FRMPD4: variants seen among roughly 807,000 people sequenced by gnomAD.
The protein encoded by FRMPD4 is FERM and PDZ domain-containing protein 4.
Under a neutral mutation model 94.1 loss-of-function variants are expected in FRMPD4, and 22 were observed. The ratio of observed to expected loss-of-function variants is 0.23; its 90% CI spans 0.17 to 0.33. The LOEUF is 0.33. Ranked by LOEUF, FRMPD4 falls within the 10% of genes least tolerant of loss-of-function variation. The pLI is 1.00. For synonymous variants in FRMPD4, 631 were observed against 548.6 expected, an observed-to-expected ratio of 1.15 and a Z score of -2.10; for missense variants, 1,111 against 1,339.9, an observed-to-expected ratio of 0.83 and a Z score of 2.67.
intron 1 of FRMPD4, among the ~76,000 whole-genome samples, chrX:12,479,497 T>C (rs1331510183): frequency 9.8e-6 from 1 of 102,184 alleles, no homozygotes; most frequent in Non-Finnish European, 2.0e-5. Context: ...TATACGTATA[T>C]ATTATATATA....
intron 1 of FRMPD4, among the ~76,000 whole-genome samples, chrX:11,837,631 T>C (rs2053508488): frequency 8.9e-6 from 1 of 111,785 alleles, no homozygotes; most frequent in Admixed American, 9.5e-5. Flanking sequence ...TCGTTCTGCA[T>C]GTCAGACTCT....
rs2042222954 is a variant in FRMPD4, at chrX:12,720,736, G to A, written c.4167G>A (p.Gly1389=). The A allele has an allele frequency of 9.4e-7, 1 of 1,067,366 alleles. No individual in the cohort carries two copies. The highest frequency in any genetic ancestry group is 1.2e-6 in the Non-Finnish European group (1 of 828,576). The allele number at this position is 1,067,366 out of a possible 1,213,427, so 88.0% of individuals were successfully genotyped here. Residue 1389 remains glycine, a synonymous_variant, in exon 17 of 17, where the codon GGG becomes GGA. Transcript: ENST00000675598. ...AVSWRPPDLR[G]GSLRTPPSQK... is the part of the protein sequence containing the mutation. Reference sequence around the variant, plus strand: ...GCTGGCGGCCACCGGATCTGAGAGGGGGGAGCCTCAGGACACCTCCCAGCC... The same window carrying A: ...GCTGGCGGCCACCGGATCTGAGAGGAGGGAGCCTCAGGACACCTCCCAGCC...
rs1251219520 is a variant in FRMPD4 at position 11,825,270 on chromosome X, T to TA, written c.-161+2565dup. Among the ~76,000 whole-genome samples, 374 of 96,886 alleles carry TA rather than the reference T, an allele frequency of 3.9e-3. 4 individuals carry two copies. Among genetic ancestry groups the TA allele is most frequent in the Middle Eastern group, 0.01 (2 of 199 alleles). The allele number at this position is 96,886 out of a possible 115,157, so 84.1% of individuals were successfully genotyped here. On this transcript the variant is annotated intron_variant, in intron 1 of 18. Transcript: ENST00000640291. ...TCACTCATCTCGTGCCTAATTGTAG[T>TA]AAAAAAAAAATAGTGAACGGCTTGT...
At chrX:12,577,779 T>C (rs184544527) in intron 2 of FRMPD4, among the ~76,000 whole-genome samples, 5 of 111,921 alleles carry the variant, frequency 4.5e-5, no homozygotes, top group Middle Eastern at 4.6e-3. Flanking sequence ...TTCAGGGCCA[T>C]TGAAAAGAAA....
intron 3 of FRMPD4, among the ~76,000 whole-genome samples, chrX:12,073,603 C>T (rs2054988164): frequency 8.9e-6 from 1 of 112,203 alleles, no homozygotes; most frequent in Non-Finnish European, 1.9e-5. Context: ...AGTGGCATTA[C>T]CATACCAAAT....
chrX:12,341,806 T>TA (rs1422609927), intron 1 of FRMPD4, among the ~76,000 whole-genome samples: 12 of 110,583 alleles, frequency 1.1e-4, no homozygotes, highest in Non-Finnish European at 2.1e-4. Context: ...CAAGGAACTT[T>TA]AAAAAAAAAG....
chrX:12,124,617 C>A (rs2147540942), intron 3 of FRMPD4, among the ~76,000 whole-genome samples: 1 of 112,266 alleles, frequency 8.9e-6, no homozygotes, highest in South Asian at 3.7e-4. Context: ...ATCACAAGAG[C>A]AAACTAAATA....
At chrX:12,393,439 T>C (rs775632169) in intron 1 of FRMPD4, among the ~76,000 whole-genome samples, 19 of 112,278 alleles carry the variant, frequency 1.7e-4, no homozygotes, top group African/African-American at 6.1e-4. Context: ...ACATTATTAA[T>C]CTAAATTAAG....
At chrX:12,168,819 G>C (rs2056171567) in intron 1 of FRMPD4, among the ~76,000 whole-genome samples, 1 of 110,254 alleles carries the variant, frequency 9.1e-6, no homozygotes, top group Non-Finnish European at 1.9e-5. Flanking sequence ...TAGAGACGGG[G>C]TTTCACCAGG....
intron 1 of FRMPD4, among the ~76,000 whole-genome samples, chrX:12,463,691 TGTTTTTG>T (rs1443992551): frequency 3.5e-4 from 30 of 86,811 alleles, no homozygotes; most frequent in East Asian, 6.7e-4. Context: ...GTTTTTTTTT[TGTTTTTG>T]TTTTTTTTTT....
intron 1 of FRMPD4, among the ~76,000 whole-genome samples, chrX:12,193,929 CTACT>C (rs2147702295): frequency 9.2e-6 from 1 of 108,138 alleles, no homozygotes; most frequent in African/African-American, 3.4e-5. Context: ...ACTAGATGTA[CTACT>C]TAGTCTTTTG....
At chrX:11,830,937 G>A (rs186209503) in intron 1 of FRMPD4, among the ~76,000 whole-genome samples, 8 of 111,077 alleles carry the variant, frequency 7.2e-5, no homozygotes, top group Non-Finnish European at 1.3e-4. Context: ...GGCTACATAC[G>A]GACTTTTGGG....
At chrX:11,949,466 A>G (rs1310564913) in intron 3 of FRMPD4, among the ~76,000 whole-genome samples, 2 of 111,954 alleles carry the variant, frequency 1.8e-5, no homozygotes, top group Non-Finnish European at 3.8e-5. Context: ...TAGAACAGCT[A>G]ATCTTAAGTT....
chrX:12,487,232 C>G (rs1432008898), intron 1 of FRMPD4, among the ~76,000 whole-genome samples: 3 of 111,981 alleles, frequency 2.7e-5, no homozygotes, highest in African/African-American at 6.5e-5. Flanking sequence ...CTACCTCTTC[C>G]TCTCTCTCTA....
Position 12,696,586 on chromosome X carries a change from C to CAAAAAAAAAAA in FRMPD4, c.933+2142_933+2152dup, listed in dbSNP as rs57877846. ...AAAGAGAGAAAAAACAAAAATGAAG[C>CAAAAAAAAAAA]AAAAAAAAAAAAAAAAAAAAGACAC... On this transcript the variant is annotated intron_variant, in intron 9 of 16. Transcript: ENST00000675598. Among the ~76,000 whole-genome samples the CAAAAAAAAAAA allele has an allele frequency of 3.1e-3, 93 of 29,953 alleles. 1 individual carries two copies. Among genetic ancestry groups the CAAAAAAAAAAA allele is most frequent in the East Asian group, 3.6e-3 (3 of 831 alleles). The allele number at this position is 29,953 out of a possible 115,157, so 26.0% of individuals were successfully genotyped here.
intron 1 of FRMPD4, among the ~76,000 whole-genome samples, chrX:12,463,155 T>A (rs1015433771): frequency 4.5e-5 from 5 of 111,861 alleles, no homozygotes; most frequent in Non-Finnish European, 7.5e-5. Flanking sequence ...TTTCTACAAA[T>A]TTAATCAGCA....
intron 16 of FRMPD4, among the ~76,000 whole-genome samples, chrX:12,719,225 G>C (rs143306354): frequency 1.6e-4 from 18 of 112,720 alleles, no homozygotes; most frequent in African/African-American, 5.2e-4. Flanking sequence ...GGAGATTGGA[G>C]GGGTTTGGAG....
chrX:12,154,765 GAT>G (rs1323871393), intron 1 of FRMPD4, among the ~76,000 whole-genome samples: 1 of 112,666 alleles, frequency 8.9e-6, no homozygotes, highest in Non-Finnish European at 1.9e-5. Context: ...AATATTCCTA[GAT>G]ATATGTGATT....
intron 3 of FRMPD4, among the ~76,000 whole-genome samples, chrX:12,054,576 A>C (rs1034452662): frequency 1.2e-4 from 13 of 111,589 alleles, no homozygotes; most frequent in African/African-American, 4.2e-4. Flanking sequence ...TTTGTTGTTT[A>C]AGCCTTTGCC....
Sources: gnomAD v4.1 joint callset for allele counts (sites outside exome capture counted in the v4.1 genomes callset) on GRCh38, gnomAD v4.1.1 for gene constraint, MANE v1.5 for transcripts, NCBI Gene and HGNC (gene_info 2026-07-23, HGNC 2026-07-21) for gene names.